The following SETBP1 variants were observed in gnomAD, a reference collection of about 807,000 sequenced individuals.
SETBP1 encodes the protein SET-binding protein.
In SETBP1, 9 loss-of-function variants were observed where a neutral mutation model predicts 101.0. The ratio of observed to expected loss-of-function variants is 0.09; its 90% CI spans 0.05 to 0.16. The LOEUF (loss-of-function observed/expected upper bound fraction) is 0.16. SETBP1 is among the 10% of genes least tolerant of loss of function. The probability of loss-of-function intolerance (pLI) is 1.00; values close to 1 mark genes in which losing one functional copy is unlikely to be tolerated. For synonymous variants in SETBP1, 818 were observed against 788.5 expected (o/e 1.04, Z -0.63); for missense variants, 1,858 against 2,033.8 (o/e 0.91, Z 1.66).
intron 2 of SETBP1, among the ~76,000 whole-genome samples, chr18:44,794,075 A>G (rs1360921449): frequency 2.0e-5 from 3 of 152,232 alleles, no homozygotes; most frequent in African/African-American, 7.2e-5. Context: ...GTTGGTTGGC[A>G]GGTAAATGTA....
At chr18:44,860,779 G>A (rs558526341) in intron 2 of SETBP1, among the ~76,000 whole-genome samples, 9 of 152,030 alleles carry the variant, frequency 5.9e-5, no homozygotes, top group South Asian at 2.1e-4. Flanking sequence ...GAAAGAAAGG[G>A]AAGGCATTTT....
chr18:44,981,962 A>G (rs2145238882), intron 4 of SETBP1, among the ~76,000 whole-genome samples: 1 of 152,338 alleles, frequency 6.6e-6, no homozygotes, highest in Non-Finnish European at 1.5e-5. Context: ...ACGCTGTTCA[A>G]AAGTGCCATA....
chr18:44,910,781 T>A (rs1599309757), intron 3 of SETBP1, among the ~76,000 whole-genome samples: 1 of 152,130 alleles, frequency 6.6e-6, no homozygotes, highest in Non-Finnish European at 1.5e-5. Flanking sequence ...GTGGGTAGGG[T>A]TGTTTCTACT....
At chr18:44,928,405 T>G (rs528936080) in intron 3 of SETBP1, among the ~76,000 whole-genome samples, 8 of 152,386 alleles carry the variant, frequency 5.2e-5, no homozygotes, top group African/African-American at 1.9e-4. Flanking sequence ...TGCATGTGTC[T>G]ATATAGCAGC....
chr18:44,951,119 G>A lies in SETBP1; in HGVS notation c.1779G>A (p.Gln593=), dbSNP rs780226658. Residue 593 remains glutamine, a synonymous_variant, in exon 4 of 6, where the codon CAG becomes CAA. Transcript: ENST00000649279. This position sits in a 1 kb window ranked among gnomAD's most constrained non-coding sequence, Gnocchi z 7.8. ...VKKKRGRPKK[Q]PLLTVETIHE... is the part of the protein sequence containing the mutation. Reference sequence around the variant, plus strand: ...AGAAGCGGGGACGACCAAAGAAGCAGCCTTTGCTCACAGTCGAGACGATTC... The same window carrying A: ...AGAAGCGGGGACGACCAAAGAAGCAACCTTTGCTCACAGTCGAGACGATTC... 2 of 1,614,080 alleles carry A rather than the reference G, an allele frequency of 1.2e-6. No individual in the cohort carries two copies. Among genetic ancestry groups the A allele is most frequent in the South Asian group, 1.1e-5 (1 of 91,078 alleles).
chr18:44,950,788 G>T lies in SETBP1; in HGVS notation c.1448G>T (p.Gly483Val), dbSNP rs754206158. Residue 483 changes from glycine to valine, a missense_variant, in exon 4 of 6, where the codon GGT (glycine) becomes GTT (valine). Physicochemically the swap from Gly to Val is moderately radical, Grantham distance 109. Around this residue, in one of 12 missense-constraint regions of SETBP1, gnomAD observed 581 missense variants for 535.1 expected, o/e 1.09. Coordinates refer to ENST00000649279, the MANE Select transcript of SETBP1 (RefSeq NM_015559.3). ...NESPSVGLETGGNAEKVIPGG... is the reference protein window; with the variant it reads ...NESPSVGLETVGNAEKVIPGG... ...TCCCCCTCAGTTGGCCTTGAAACTGGTGGAAATGCTGAGAAAGTTATCCCA... is the reference window on the plus strand; with the variant it reads ...TCCCCCTCAGTTGGCCTTGAAACTGTTGGAAATGCTGAGAAAGTTATCCCA... 6.2e-7 allele frequency: 1 copy of T among 1,614,030 alleles called. No homozygotes were observed. Among genetic ancestry groups the T allele is most frequent in the Non-Finnish European group, 8.5e-7 (1 of 1,180,034 alleles).
chr18:44,694,274 C>T (rs1028802460), intron 1 of SETBP1, among the ~76,000 whole-genome samples: 2 of 152,106 alleles, frequency 1.3e-5, no homozygotes, highest in Admixed American at 6.5e-5. Context: ...TGCAGTGGTG[C>T]GATCTCGGCT....
chr18:44,823,179 A>T (rs1171515032), intron 2 of SETBP1, among the ~76,000 whole-genome samples: 1 of 152,366 alleles, frequency 6.6e-6, no homozygotes, highest in East Asian at 1.9e-4. Context: ...TTCATGTCTT[A>T]TTAATTAAAA....
At chr18:45,002,109 C>G (rs938790529) in intron 4 of SETBP1, among the ~76,000 whole-genome samples, 4 of 152,180 alleles carry the variant, frequency 2.6e-5, no homozygotes, top group Non-Finnish European at 5.9e-5. Context: ...CCTTCTCCCC[C>G]ACAGTTCAGT....
intron 2 of SETBP1, among the ~76,000 whole-genome samples, chr18:44,826,279 C>T (rs1255021627): frequency 2.6e-5 from 4 of 152,144 alleles, no homozygotes; most frequent in Non-Finnish European, 4.4e-5. Flanking sequence ...GCCCTTTCAC[C>T]CCTTTTTCGC....
At chr18:44,756,146 G>T (rs1465886473) in intron 2 of SETBP1, among the ~76,000 whole-genome samples, 1 of 151,920 alleles carries the variant, frequency 6.6e-6, no homozygotes, top group Non-Finnish European at 1.5e-5. Flanking sequence ...GAACCCTGGA[G>T]GCAGAGGTTG....
rs915052882 is a variant in SETBP1 at position 44,752,091 on chromosome 18, G to A, written c.486+50259G>A. Among the ~76,000 whole-genome samples the A allele has an allele frequency of 4.6e-5, 7 of 152,082 alleles. No individual in the cohort carries two copies. In the East Asian group the frequency reaches 7.7e-4, roughly 17 times the overall value. ...ACGGATTCTGGAAGAACACAATGAC[G>A]TCTATAGAAGCAGGATACAACATTT... On this transcript the variant is annotated intron_variant, in intron 2 of 5. Coordinates refer to ENST00000649279, the MANE Select transcript of SETBP1 (RefSeq NM_015559.3).
At chr18:44,750,241 A>C (rs2070351640) in intron 2 of SETBP1, among the ~76,000 whole-genome samples, 1 of 152,232 alleles carries the variant, frequency 6.6e-6, no homozygotes, top group Non-Finnish European at 1.5e-5. Context: ...TGGGAAGTCT[A>C]CATTCAAGGT....
intron 2 of SETBP1, among the ~76,000 whole-genome samples, chr18:44,864,215 C>T (rs2069080277): frequency 6.6e-6 from 1 of 152,110 alleles, no homozygotes; most frequent in Non-Finnish European, 1.5e-5. Context: ...GCCTTAGGCT[C>T]ACAGAGGTCA....
At chr18:44,868,849 A>G (rs1275929444) in intron 2 of SETBP1, among the ~76,000 whole-genome samples, 4 of 152,232 alleles carry the variant, frequency 2.6e-5, no homozygotes, top group Non-Finnish European at 5.9e-5. Context: ...GATAGCAGGA[A>G]GAAAGCCAGG....
chr18:44,829,865 T>A (rs1328907588), intron 2 of SETBP1, among the ~76,000 whole-genome samples: 1 of 152,224 alleles, frequency 6.6e-6, no homozygotes, highest in Non-Finnish European at 1.5e-5. Flanking sequence ...CGTATCCACA[T>A]TATTTACCAT....
chr18:44,740,201 T>C (rs2070065340), intron 2 of SETBP1, among the ~76,000 whole-genome samples: 1 of 152,188 alleles, frequency 6.6e-6, no homozygotes, highest in Non-Finnish European at 1.5e-5. Context: ...CGTCACCTCC[T>C]TTGGGCATTG....
chr18:45,038,850 T>G (rs1193930174), intron 5 of SETBP1, among the ~76,000 whole-genome samples, 195 bp downstream of exon 5: 2 of 152,174 alleles, frequency 1.3e-5, no homozygotes, highest in East Asian at 3.9e-4. Context: ...CTCCTGGGAA[T>G]GTGGAGGGTG....
chr18:45,001,898 G>C (rs1414026339), intron 4 of SETBP1, among the ~76,000 whole-genome samples: 1 of 152,038 alleles, frequency 6.6e-6, no homozygotes, highest in East Asian at 1.9e-4. Flanking sequence ...AATAAAGTCA[G>C]GGTGGGATTT....
Sources: gnomAD v4.1 joint callset for allele counts (sites outside exome capture counted in the v4.1 genomes callset) on GRCh38, gnomAD v4.1.1 for gene constraint, gnomAD v4.1.1 regional missense constraint, Gnocchi (gnomAD v3.1) non-coding constraint, MANE v1.5 for transcripts, NCBI Gene and HGNC (gene_info 2026-07-23, HGNC 2026-07-21) for gene names.